LPAR6: variants seen among roughly 807,000 people sequenced by gnomAD.
The protein encoded by LPAR6 is G-protein coupled purinergic receptor P2Y5.
LPAR6 carries 17 observed loss-of-function variants against 22.0 expected under a neutral mutation model. That is an observed-to-expected ratio of 0.77 (90% CI 0.53 to 1.16). The LOEUF (loss-of-function observed/expected upper bound fraction) is 1.16, where lower values mean the gene tolerates loss of function less well. Among genes scored for constraint, LPAR6 ranks in the 50% most tolerant of loss-of-function variants. The pLI is 0.00. For synonymous variants in LPAR6, 136 were observed against 139.8 expected, an observed-to-expected ratio of 0.97 and a Z score of 0.19; for missense variants, 384 against 406.9, an observed-to-expected ratio of 0.94 and a Z score of 0.48.
upstream of LPAR6, among the ~76,000 whole-genome samples, chr13:48,414,389 CAGA>C (rs1391194339): frequency 6.7e-6 from 1 of 150,340 alleles, no homozygotes; most frequent in Non-Finnish European, 1.5e-5. Flanking sequence ...ACTCCAAAAT[CAGA>C]AGAAGAAAGT....
rs1418820471 is a variant in LPAR6, at chr13:48,411,601, T to C, written c.823A>G (p.Ile275Val). ...TTGGAAACAGCAATACAGAGAGTGA[T>C]TGGGTACATTGTCCTTACTGCTGCC... ...VVAAVRTMYP[I>V]TLCIAVSNCC... The change falls in exon 1 of 1, where the codon ATC becomes GTC. Residue 275 changes from isoleucine (I) to valine (V), a missense_variant. By Grantham distance (29) the Ile-to-Val change is conservative. Coordinates refer to ENST00000620633, the MANE Select transcript of LPAR6 (RefSeq NM_001162498.3). 2 of 1,612,404 alleles carry C rather than the reference T, an allele frequency of 1.2e-6. No individual in the cohort carries two copies. Among genetic ancestry groups the C allele is most frequent in the Non-Finnish European group, 8.5e-7 (1 of 1,178,558 alleles).
At chr13:48,413,370 T>C (rs866631755), upstream of LPAR6, among the ~76,000 whole-genome samples, 15 of 152,304 alleles carry the variant, frequency 9.8e-5, no homozygotes, top group Middle Eastern at 3.4e-3. Flanking sequence ...TTTGTTTCAG[T>C]AGTAATAATT....
chr13:48,395,930 T>C (rs1948644682), intron 1 of LPAR6, among the ~76,000 whole-genome samples: 1 of 151,998 alleles, frequency 6.6e-6, no homozygotes, highest in Non-Finnish European at 1.5e-5. Flanking sequence ...CATATAATCG[T>C]CAGATTCACC....
chr13:48,392,922 G>T (rs1948622178), intron 1 of LPAR6, among the ~76,000 whole-genome samples: 1 of 151,898 alleles, frequency 6.6e-6, no homozygotes, highest in South Asian at 2.1e-4. Flanking sequence ...TAAATTATCT[G>T]GAAATAATTT....
chr13:48,395,160 C>G, intron 1 of LPAR6, among the ~76,000 whole-genome samples: 1 of 152,188 alleles, frequency 6.6e-6, no homozygotes, highest in Non-Finnish European at 1.5e-5. Context: ...AGGGGCCTGA[C>G]TGTTAGAAGG....
At chr13:48,422,929 C>T (rs1949027661) in intron 1 of LPAR6, 2 of 152,162 alleles carry the variant, frequency 1.3e-5, no homozygotes, top group Admixed American at 1.3e-4. Context: ...TCACTTGAGA[C>T]CAGGATTTCA....
At chr13:48,422,138 C>T (rs1949015453) in intron 2 of LPAR6, among the ~76,000 whole-genome samples, 1 of 151,982 alleles carries the variant, frequency 6.6e-6, no homozygotes, top group Non-Finnish European at 1.5e-5. Flanking sequence ...CAATGATAGA[C>T]AGGATAAAGA....
intron 1 of LPAR6, among the ~76,000 whole-genome samples, chr13:48,405,823 C>CT: frequency 6.6e-6 from 1 of 152,170 alleles, no homozygotes; most frequent in East Asian, 1.9e-4. Context: ...TCCTGTGTTT[C>CT]TTTTTATAAA....
At chr13:48,438,179 T>G (rs1949202698) in intron 1 of LPAR6, among the ~76,000 whole-genome samples, 1 of 152,200 alleles carries the variant, frequency 6.6e-6, no homozygotes, top group African/African-American at 2.4e-5. Flanking sequence ...TTTAGCATTA[T>G]GGAAAGAAAA....
chr13:48,390,086 G>T (rs1246401159), intron 1 of LPAR6, among the ~76,000 whole-genome samples: 2 of 152,256 alleles, frequency 1.3e-5, no homozygotes, highest in Non-Finnish European at 2.9e-5. Flanking sequence ...TGTTAAGGCT[G>T]CAGTGAGCTG....
chr13:48,432,044 T>A (rs1399343204), intron 1 of LPAR6, among the ~76,000 whole-genome samples: 1 of 152,134 alleles, frequency 6.6e-6, no homozygotes, highest in East Asian at 1.9e-4. Context: ...ATACAACTGG[T>A]CATATGGTGA....
At chr13:48,415,150 C>T (rs1381883826), upstream of LPAR6, among the ~76,000 whole-genome samples, 8 of 150,162 alleles carry the variant, frequency 5.3e-5, no homozygotes, top group Admixed American at 1.3e-4. Flanking sequence ...TTGAATATGG[C>T]GGCATTTTCT....
intron 1 of LPAR6, among the ~76,000 whole-genome samples, chr13:48,423,191 G>A (rs1949031543): frequency 6.6e-6 from 1 of 152,048 alleles, no homozygotes; most frequent in South Asian, 2.1e-4. Context: ...GTAATGCATC[G>A]GTTTTTAAAA....
chr13:48,409,769 C>T (rs1191656351), downstream of LPAR6, among the ~76,000 whole-genome samples: 7 of 151,502 alleles, frequency 4.6e-5, no homozygotes, highest in African/African-American at 9.7e-5. Context: ...TTAGTAGAGA[C>T]GGGGTTTCAC....
chr13:48,407,750 G>A (rs1948752861), downstream of LPAR6, among the ~76,000 whole-genome samples: 1 of 152,106 alleles, frequency 6.6e-6, no homozygotes, highest in Non-Finnish European at 1.5e-5. Flanking sequence ...TTTCAGGAAA[G>A]CCCCAAAAAG....
intron 1 of LPAR6, among the ~76,000 whole-genome samples, chr13:48,436,349 T>A (rs198563): frequency 0.22 from 33,106 of 152,084 alleles, 3,761 homozygotes; most frequent in South Asian, 0.27. Flanking sequence ...ATAGATATAG[T>A]TAAAATCATG....
At chr13:48,398,762 A>G (rs1948667374) in intron 1 of LPAR6, among the ~76,000 whole-genome samples, 1 of 152,084 alleles carries the variant, frequency 6.6e-6, no homozygotes, top group Non-Finnish European at 1.5e-5. Flanking sequence ...ATATATAGTC[A>G]GGCATATGGG....
intron 1 of LPAR6, among the ~76,000 whole-genome samples, chr13:48,390,061 T>C (rs1948599661): frequency 6.6e-6 from 1 of 152,016 alleles, no homozygotes; most frequent in Non-Finnish European, 1.5e-5. Flanking sequence ...CTGGGAGAAT[T>C]GCCTGAGCCT....
intron 1 of LPAR6, among the ~76,000 whole-genome samples, chr13:48,398,301 A>G (rs938911644): frequency 6.6e-6 from 1 of 152,122 alleles, no homozygotes; most frequent in Admixed American, 6.6e-5. Context: ...TATATTCCTA[A>G]TATAGCTTTG....
Sources: allele counts gnomAD v4.1 joint callset (sites outside exome capture counted in the v4.1 genomes callset), GRCh38; gene constraint gnomAD v4.1.1; transcripts MANE v1.5; gene names NCBI Gene and HGNC (gene_info 2026-07-23, HGNC 2026-07-21).